The following UPP1 variants were observed in gnomAD, a reference collection of about 807,000 sequenced individuals.
The protein encoded by UPP1 is UPase 1.
A neutral mutation model predicts 29.6 loss-of-function variants in UPP1; 25 were observed. The observed-to-expected ratio is 0.85, with a 90% CI of 0.62 to 1.18. The LOEUF (loss-of-function observed/expected upper bound fraction) is 1.18. UPP1 is among the 50% of genes most tolerant of loss of function. UPP1 has a pLI of 0.00. For synonymous variants in UPP1, 165 were observed against 159.8 expected, an observed-to-expected ratio of 1.03 and a Z score of -0.25; for missense variants, 368 against 410.4, an observed-to-expected ratio of 0.90 and a Z score of 0.89.
At chr7:48,103,066 T>G (rs865792959) in intron 5 of UPP1, among the ~76,000 whole-genome samples, 25 of 152,220 alleles carry the variant, frequency 1.6e-4, no homozygotes, top group African/African-American at 6.0e-4. Flanking sequence ...CCGCAGCTGT[T>G]ACCTATTTGA....
chr7:48,103,770 C>T, intron 6 of UPP1: 1 of 1,293,318 alleles, frequency 7.7e-7, no homozygotes, highest in Non-Finnish European at 1.0e-6. Context: ...TTCCTCCTCC[C>T]TAATCCTGCA....
chr7:48,089,664 G>C (rs1006771489), intron 1 of UPP1: 9 of 152,312 alleles, frequency 5.9e-5, no homozygotes, highest in African/African-American at 2.2e-4. Flanking sequence ...GCGCGGGCGG[G>C]ATGTGCTTCC....
chr7:48,097,970 C>G (rs1274553462), intron 3 of UPP1, among the ~76,000 whole-genome samples: 1 of 152,150 alleles, frequency 6.6e-6, no homozygotes, highest in Non-Finnish European at 1.5e-5. Flanking sequence ...GAGATCCCCC[C>G]AATAGCTTGT....
intron 6 of UPP1, chr7:48,104,764 A>G (rs1359569451): frequency 6.6e-6 from 1 of 152,272 alleles, no homozygotes; most frequent in Non-Finnish European, 1.5e-5. Flanking sequence ...TCGGTCCTGC[A>G]AGCTTAGTCT....
intron 2 of UPP1, among the ~76,000 whole-genome samples, chr7:48,091,410 AG>A (rs1318184927): frequency 6.6e-6 from 1 of 151,606 alleles, no homozygotes; most frequent in Non-Finnish European, 1.5e-5. Context: ...TTTCCCTGGG[AG>A]GTAGAATTTG....
At chr7:48,091,283 C>T (rs1791817604) in intron 2 of UPP1, among the ~76,000 whole-genome samples, 1 of 129,640 alleles carries the variant, frequency 7.7e-6, no homozygotes. Context: ...TCAAAAACAT[C>T]TTCAGTTTTT....
At chr7:48,096,989 C>T (rs1031745487) in intron 3 of UPP1, among the ~76,000 whole-genome samples, 1 of 152,044 alleles carries the variant, frequency 6.6e-6, no homozygotes, top group Admixed American at 6.5e-5. Flanking sequence ...CATGAGCCAC[C>T]GCGCCCAGAC....
At position 48,108,440 on chromosome 7, in the gene UPP1, G is replaced by A; in HGVS notation, c.*83G>A. On this transcript the variant is annotated 3_prime_UTR_variant, in exon 9 of 9. Coordinates refer to ENST00000395564, the MANE Select transcript of UPP1 (RefSeq NM_003364.4). The stretch of plus-strand genomic sequence containing the variant: ...CAAAATCCCCTGTTGTGTGGACTTT[G>A]AGCACACTTTACACAAGAATCTAGA... 1 of 1,485,052 alleles carries A rather than the reference G, an allele frequency of 6.7e-7. No homozygotes were observed. The highest frequency in any genetic ancestry group is 2.0e-5 in the Admixed American group (1 of 48,898). 92.0% of individuals were successfully genotyped at this position (1,485,052 alleles called of 1,614,324 possible).
chr7:48,102,646 G>A (rs1248929662), intron 5 of UPP1, among the ~76,000 whole-genome samples: 10 of 152,148 alleles, frequency 6.6e-5, no homozygotes, highest in South Asian at 6.2e-4. Context: ...GTAAGGCTCC[G>A]TGACCGATTC....
At chr7:48,103,873 T>G (rs1792575743) in intron 6 of UPP1, 2 of 1,288,358 alleles carry the variant, frequency 1.6e-6, no homozygotes, top group South Asian at 2.5e-5. Flanking sequence ...TGTCCTTAAA[T>G]TAGCTTAAAA....
intron 2 of UPP1, among the ~76,000 whole-genome samples, chr7:48,090,841 C>A (rs998951213): frequency 6.6e-6 from 1 of 152,158 alleles, no homozygotes; most frequent in African/African-American, 2.4e-5. Context: ...CACCGCAGAC[C>A]GTTTTAATTC....
At chr7:48,102,610 A>G (rs939428728) in intron 5 of UPP1, among the ~76,000 whole-genome samples, 3 of 152,164 alleles carry the variant, frequency 2.0e-5, no homozygotes, top group African/African-American at 7.2e-5. Flanking sequence ...TAGGTTACTG[A>G]TAATCTGCGC....
At chr7:48,107,615 G>A in intron 8 of UPP1, 108 bp downstream of exon 8, 1 of 1,370,040 alleles carries the variant, frequency 7.3e-7, no homozygotes, top group Admixed American at 2.5e-5. Flanking sequence ...ACCCATTTCT[G>A]GTTTCTGTTT....
chr7:48,107,519 T>C lies in UPP1; in HGVS notation c.793+12T>C, dbSNP rs750839386. ...CTGCGGCCTCCAAGGTAAGCGGCAC[T>C]TGATGGGCCTCGGCGTCCCCTCCTC... On this transcript the variant is annotated intron_variant, in intron 8 of 8. Transcript: ENST00000395564. 6.3e-7 allele frequency: 1 copy of C among 1,596,616 alleles called. No individual in the cohort carries two copies. Among genetic ancestry groups the C allele is most frequent in the Non-Finnish European group, 8.6e-7 (1 of 1,167,718 alleles).
chr7:48,095,475 C>A (rs959847750), intron 3 of UPP1, among the ~76,000 whole-genome samples: 1 of 152,080 alleles, frequency 6.6e-6, no homozygotes, highest in Non-Finnish European at 1.5e-5. Context: ...GCTCTGGACT[C>A]CTGGTCCTTT....
chr7:48,092,674 C>T (rs1428273356), intron 2 of UPP1, among the ~76,000 whole-genome samples: 1 of 151,192 alleles, frequency 6.6e-6, no homozygotes, highest in Non-Finnish European at 1.5e-5. Flanking sequence ...CCACTCCAGC[C>T]TGGGTAACAG....
intron 6 of UPP1, chr7:48,105,278 C>T (rs189298234): frequency 6.6e-6 from 1 of 152,440 alleles, no homozygotes; most frequent in East Asian, 1.9e-4. Context: ...GCCAAGCTCT[C>T]CTCTAGCTCC....
intron 2 of UPP1, among the ~76,000 whole-genome samples, chr7:48,091,629 G>C (rs1375046843): frequency 6.6e-6 from 1 of 152,182 alleles, no homozygotes; most frequent in Non-Finnish European, 1.5e-5. Context: ...TTTTCCACTG[G>C]AGCACTGCAG....
At chr7:48,102,164 TCA>T (rs1437255926) in intron 5 of UPP1, among the ~76,000 whole-genome samples, 182 bp downstream of exon 5, 1 of 152,200 alleles carries the variant, frequency 6.6e-6, no homozygotes, top group Non-Finnish European at 1.5e-5. Flanking sequence ...TCCTTGAGGC[TCA>T]GTCTCCAGGG....
Sources: allele counts gnomAD v4.1 joint callset (sites outside exome capture counted in the v4.1 genomes callset), GRCh38; gene constraint gnomAD v4.1.1; transcripts MANE v1.5; gene names NCBI Gene and HGNC (gene_info 2026-07-23, HGNC 2026-07-21).